The following CACNA1H variants were observed in gnomAD, a reference collection of about 807,000 sequenced individuals.
CACNA1H encodes the protein voltage-dependent T-type calcium channel subunit alpha-1H.
In CACNA1H, 149 loss-of-function variants were observed where a neutral mutation model predicts 192.5. The ratio of observed to expected loss-of-function variants is 0.77; its 90% CI spans 0.68 to 0.89. CACNA1H has a LOEUF of 0.89. Among genes scored for constraint, CACNA1H ranks in the 40% least tolerant of loss-of-function variants. The probability of loss-of-function intolerance (pLI) is 0.00; values close to 1 mark genes in which losing one functional copy is unlikely to be tolerated. For synonymous variants in CACNA1H, 2,202 were observed against 1,475.2 expected, an observed-to-expected ratio of 1.49 and a Z score of -11.29; for missense variants, 4,257 against 3,423.5, an observed-to-expected ratio of 1.24 and a Z score of -6.08.
At chr16:1,185,624 A>G (rs1308805550) in intron 2 of CACNA1H, among the ~76,000 whole-genome samples, 11 of 123,640 alleles carry the variant, frequency 8.9e-5, no homozygotes, top group South Asian at 2.4e-4. Flanking sequence ...GAGGCGGGGT[A>G]CGTGGGGGGC....
At chr16:1,199,721 A>C (rs1333770002) in intron 6 of CACNA1H, among the ~76,000 whole-genome samples, 6 of 132,026 alleles carry the variant, frequency 4.5e-5, no homozygotes, top group East Asian at 4.6e-4. Flanking sequence ...CTCAGCCTTC[A>C]CCCCAGGGTC....
At chr16:1,158,588 C>T (rs538879454) in intron 2 of CACNA1H, among the ~76,000 whole-genome samples, 5 of 152,330 alleles carry the variant, frequency 3.3e-5, no homozygotes, top group East Asian at 1.9e-4. Context: ...GCTCACCCTC[C>T]GGGTCGGGGC....
At position 1,218,658 on chromosome 16, in the gene CACNA1H, TAGCCAGCAGGA is replaced by T. The variant is rs1290317498; in HGVS notation, c.5887+10_5887+20del. On this transcript the variant is annotated splice_region_variant and intron_variant, in intron 33 of 34. Coordinates refer to ENST00000348261, the MANE Select transcript of CACNA1H (RefSeq NM_021098.3). Reference sequence around the variant, plus strand: ...GGGGCCGGCACCCCCTTGGGTATGGTAGCCAGCAGGAAGATATGGGCTGGGTGGGAAGCAGG... The same window carrying T: ...GGGGCCGGCACCCCCTTGGGTATGGTAGATATGGGCTGGGTGGGAAGCAGG... The T allele has an allele frequency of 6.6e-7, 1 of 1,526,508 alleles. No homozygotes were observed. The highest frequency in any genetic ancestry group is 8.8e-7 in the Non-Finnish European group (1 of 1,133,840). 94.6% of individuals were successfully genotyped at this position (1,526,508 alleles called of 1,614,324 possible).
chr16:1,210,395 A>G lies in CACNA1H; in HGVS notation c.3871A>G (p.Ile1291Val). 1.4e-6 allele frequency: 2 copies of G among 1,434,106 alleles called. No homozygotes were observed. The highest frequency in any genetic ancestry group is 1.2e-5 in the South Asian group (1 of 86,798). 88.8% of individuals were successfully genotyped at this position (1,434,106 alleles called of 1,614,324 possible). A position where few individuals can be genotyped will look rare whatever the true frequency, so the allele number is the denominator to read the frequency against. Residue 1291 changes from isoleucine to valine, a missense_variant, in exon 19 of 35, where the codon ATC (isoleucine) becomes GTC (valine). Transcript: ENST00000348261. ...GTTCCGCGTCTCCTGCCAGAAGGTC[A>G]TCACACACAAGATGTTTGATCACGT... ...NRFRVSCQKV[I>V]THKMFDHVVL...
chr16:1,159,104 G>T (rs970201592), intron 2 of CACNA1H, among the ~76,000 whole-genome samples: 1 of 152,242 alleles, frequency 6.6e-6, no homozygotes, highest in South Asian at 2.1e-4. Flanking sequence ...CTGATGGGGG[G>T]ACTTGGGGAG....
At chr16:1,174,579 C>T (rs1367859133) in intron 2 of CACNA1H, among the ~76,000 whole-genome samples, 3 of 152,112 alleles carry the variant, frequency 2.0e-5, no homozygotes, top group Non-Finnish European at 4.4e-5. Context: ...CTGCCACGCT[C>T]AGGGCTGTCT....
intron 2 of CACNA1H, among the ~76,000 whole-genome samples, chr16:1,159,072 C>T (rs907911578): frequency 6.6e-6 from 1 of 152,246 alleles, no homozygotes; most frequent in Non-Finnish European, 1.5e-5. Context: ...TGGAGGGAGT[C>T]CCTGAGCACA....
Position 1,204,081 on chromosome 16 carries a change from A to C in CACNA1H, c.2074A>C (p.Thr692Pro). ...PCPLPSPPAGTLTCELKSCPY... is the reference protein window; with the variant it reads ...PCPLPSPPAGPLTCELKSCPY... ...CCCCCTGCCCAGCCCCCCAGCGGGC[A>C]CACTGACCTGTGAGCTGAAGAGCTG... Residue 692 changes from threonine (T) to proline (P), a missense_variant, in exon 10 of 35, where the codon ACA becomes CCA. Thr to Pro is a conservative substitution (Grantham distance 38, BLOSUM62 -1). Coordinates refer to ENST00000348261, the MANE Select transcript of CACNA1H (RefSeq NM_021098.3). 6.2e-7 allele frequency: 1 copy of C among 1,607,560 alleles called. No homozygotes were observed.
intron 2 of CACNA1H, among the ~76,000 whole-genome samples, chr16:1,193,690 C>T (rs1596376722): frequency 6.6e-6 from 1 of 152,214 alleles, no homozygotes; most frequent in South Asian, 2.1e-4. Flanking sequence ...GTAATTACCG[C>T]ACTCTTGGTG....
intron 2 of CACNA1H, among the ~76,000 whole-genome samples, chr16:1,163,368 C>T (rs1963423201): frequency 6.6e-6 from 1 of 152,212 alleles, no homozygotes; most frequent in Non-Finnish European, 1.5e-5. Flanking sequence ...CTCCCCATGG[C>T]ACCTCGTGCT....
In CACNA1H at chr16:1,211,263, T is replaced by C. The variant is rs559236007; in HGVS notation, c.4319T>C (p.Phe1440Ser). The change falls in exon 22 of 35, where the codon TTC (phenylalanine) becomes TCC (serine). Residue 1440 changes from phenylalanine to serine, a missense_variant. Transcript: ENST00000348261. ...AACATCGTCCTCATCTGCTGCGCCT[T>C]CTTCATCATTTTTGGCATTTTGGGT... is the stretch of plus-strand genomic sequence containing the variant. ...IGNIVLICCA[F>S]FIIFGILGVQ... 26 of 1,613,134 alleles carry C rather than the reference T, an allele frequency of 1.6e-5. No homozygotes were observed. Among genetic ancestry groups the C allele is most frequent in the African/African-American group, 2.7e-5 (2 of 75,070 alleles).
chr16:1,199,674 C>T (rs996769448), intron 6 of CACNA1H, among the ~76,000 whole-genome samples: 1 of 150,262 alleles, frequency 6.7e-6, no homozygotes, highest in African/African-American at 2.5e-5. Context: ...AACCCTCACC[C>T]CGGGTTCTCC....
chr16:1,211,690 C>T, intron 23 of CACNA1H, 26 bp from the exon 24 acceptor site: 1 of 1,612,194 alleles, frequency 6.2e-7, no homozygotes, highest in Admixed American at 1.7e-5. Flanking sequence ...CTAACCCTCG[C>T]CAGTGACCCT....
At chr16:1,162,982 G>A (rs879271331) in intron 2 of CACNA1H, among the ~76,000 whole-genome samples, 2 of 152,258 alleles carry the variant, frequency 1.3e-5, no homozygotes, top group Admixed American at 6.5e-5. Context: ...CTTGGCTCCA[G>A]CCTCAAAGGC....
At chr16:1,208,764 C>G (rs1969064651) in intron 16 of CACNA1H, among the ~76,000 whole-genome samples, 1 of 152,170 alleles carries the variant, frequency 6.6e-6, no homozygotes, top group South Asian at 2.1e-4. Flanking sequence ...GGGGGCCACC[C>G]ACACTTTGTC....
In CACNA1H at chr16:1,207,830, T is replaced by C. The variant is rs920779794; in HGVS notation, c.3124T>C (p.Phe1042Leu). 1.2e-6 allele frequency: 2 copies of C among 1,600,388 alleles called. No individual in the cohort carries two copies. Among genetic ancestry groups the C allele is most frequent in the African/African-American group, 1.3e-5 (1 of 74,642 alleles). The part of the protein sequence containing the change: ...DKTSVHFEED[F>L]HKLRELQTTE... ...GACGTCGGTCCACTTCGAGGAGGAC[T>C]TCCACAAGCTCAGAGAACTCCAGAC... The change falls in exon 15 of 35, where the codon TTC (phenylalanine) becomes CTC (leucine). Residue 1042 changes from phenylalanine to leucine, a missense_variant. Phe to Leu is a conservative substitution (Grantham distance 22). Coordinates refer to ENST00000348261, the MANE Select transcript of CACNA1H (RefSeq NM_021098.3).
Position 1,216,918 on chromosome 16 carries a change from T to G in CACNA1H, c.5245-14T>G, listed in dbSNP as rs1970073272. 2 of 1,595,778 alleles carry G rather than the reference T, an allele frequency of 1.3e-6. No homozygotes were observed. Among genetic ancestry groups the G allele is most frequent in the Admixed American group, 1.7e-5 (1 of 57,152 alleles). On this transcript the variant is annotated splice_polypyrimidine_tract_variant and intron_variant, in intron 30 of 34. Coordinates refer to ENST00000348261, the MANE Select transcript of CACNA1H (RefSeq NM_021098.3). Reference sequence around the variant, plus strand: ...CCCGCCCGTCTGACCCAGCTCTGCTTCTCTCTTGTGTAGGTGGGGAACCTG... The same window carrying G: ...CCCGCCCGTCTGACCCAGCTCTGCTGCTCTCTTGTGTAGGTGGGGAACCTG...
chr16:1,171,254 C>T (rs778021390), intron 2 of CACNA1H, among the ~76,000 whole-genome samples: 1 of 152,162 alleles, frequency 6.6e-6, no homozygotes, highest in Non-Finnish European at 1.5e-5. Context: ...CTCGGGCAGC[C>T]TGCTCTGTGG....
rs776298226 is a variant in CACNA1H at position 1,220,261 on chromosome 16, C to T, written c.6329C>T (p.Pro2110Leu). Residue 2110 changes from proline to leucine, a missense_variant, in exon 35 of 35, where the codon CCC becomes CTC. By Grantham distance (98) the Pro-to-Leu change is moderately conservative. Coordinates refer to ENST00000348261, the MANE Select transcript of CACNA1H (RefSeq NM_021098.3). ...AGCCACATCACCAGCTCCGCCTGCC[C>T]CTGGCAGCCCACAGCCGAGCCCCAT... ...EVSHITSSACPWQPTAEPHGP... is the reference protein window; with the variant it reads ...EVSHITSSACLWQPTAEPHGP... 18 of 1,587,118 alleles carry T rather than the reference C, an allele frequency of 1.1e-5. No individual in the cohort carries two copies. Among genetic ancestry groups the T allele is most frequent in the South Asian group, 9.0e-5 (8 of 89,368 alleles).
Sources: gnomAD v4.1 joint callset for allele counts (sites outside exome capture counted in the v4.1 genomes callset) on GRCh38, gnomAD v4.1.1 for gene constraint, MANE v1.5 for transcripts, NCBI Gene and HGNC (gene_info 2026-07-23, HGNC 2026-07-21) for gene names.